The following SETD3 variants were observed in gnomAD, a reference collection of about 807,000 sequenced individuals.
SETD3 encodes the protein actin-histidine N-methyltransferase.
Under a neutral mutation model 63.0 loss-of-function variants are expected in SETD3, and 19 were observed. The observed-to-expected ratio is 0.30, with a 90% CI of 0.21 to 0.44. The LOEUF is 0.44. Among genes scored for constraint, SETD3 ranks in the 20% least tolerant of loss-of-function variants. The pLI, the probability that SETD3 is intolerant of heterozygous loss-of-function variation, is 1.00. For missense variants in SETD3, 587 were observed against 728.5 expected, an observed-to-expected ratio of 0.81 and a Z score of 2.24; for synonymous variants, 286 against 264.1, an observed-to-expected ratio of 1.08 and a Z score of -0.80.
chr14:99,432,594 T>C (rs1291542432), intron 6 of SETD3, among the ~76,000 whole-genome samples: 1 of 152,224 alleles, frequency 6.6e-6, no homozygotes, highest in Non-Finnish European at 1.5e-5. Flanking sequence ...AGGGCACAGA[T>C]GTGGAATGAC....
intron 6 of SETD3, among the ~76,000 whole-genome samples, chr14:99,418,551 G>A (rs939325765): frequency 1.3e-5 from 2 of 152,116 alleles, no homozygotes; most frequent in African/African-American, 4.8e-5. Context: ...GAGATCTCTG[G>A]TCTGACAAAT....
At chr14:99,429,263 G>GA (rs1029452121) in intron 6 of SETD3, among the ~76,000 whole-genome samples, 6 of 151,746 alleles carry the variant, frequency 4.0e-5, no homozygotes, top group African/African-American at 1.5e-4. Flanking sequence ...ATATTTGCAG[G>GA]AAAAAAAGAA....
intron 6 of SETD3, among the ~76,000 whole-genome samples, chr14:99,422,531 C>T (rs1233896604): frequency 2.0e-5 from 3 of 152,106 alleles, no homozygotes; most frequent in Non-Finnish European, 2.9e-5. Flanking sequence ...TCTAGGGGTG[C>T]ACCACAGAAT....
chr14:99,464,015 A>G (rs1181600869), intron 2 of SETD3, among the ~76,000 whole-genome samples: 4 of 152,364 alleles, frequency 2.6e-5, no homozygotes, highest in Middle Eastern at 3.4e-3. Context: ...GTTAAACCCC[A>G]TAACACTGAT....
At position 99,406,523 on chromosome 14, in the gene SETD3, C is replaced by A; in HGVS notation, c.917G>T (p.Gly306Val). Residue 306 changes from glycine (G) to valine (V), a missense_variant, in exon 9 of 13, where the codon GGA (glycine) becomes GTA (valine). By Grantham distance (109) the Gly-to-Val change is moderately radical. Coordinates refer to ENST00000331768, the MANE Select transcript of SETD3 (RefSeq NM_032233.3). ...ECVALQDFRA[G>V]EQIYIFYGTR... ...AGATGCCACGAGACCCACCTGCTCT[C>A]CAGCCCGAAAATCCTGCAGAGCCAC... 2 of 1,614,206 alleles carry A rather than the reference C, an allele frequency of 1.2e-6. No homozygotes were observed. Among genetic ancestry groups the A allele is most frequent in the Non-Finnish European group, 1.7e-6 (2 of 1,180,026 alleles).
chr14:99,399,240 G>T, intron 12 of SETD3, 115 bp from the exon 13 acceptor site: 1 of 762,204 alleles, frequency 1.3e-6, no homozygotes, highest in Admixed American at 2.6e-5. Flanking sequence ...GTGACGGGAG[G>T]TTCTAACACT....
chr14:99,424,892 C>T (rs1262960929), intron 6 of SETD3, among the ~76,000 whole-genome samples: 2 of 152,010 alleles, frequency 1.3e-5, no homozygotes, highest in South Asian at 2.1e-4. Flanking sequence ...GGAGACTCAC[C>T]GGCCAGGCTG....
intron 11 of SETD3, among the ~76,000 whole-genome samples, chr14:99,403,676 G>A (rs983454569): frequency 6.6e-6 from 1 of 152,172 alleles, no homozygotes; most frequent in African/African-American, 2.4e-5. Flanking sequence ...TGAAATAAGA[G>A]GCTGTAGCCA....
chr14:99,404,191 A>C (rs376306206), intron 11 of SETD3, 34 bp downstream of exon 11: 32 of 1,561,356 alleles, frequency 2.0e-5, no homozygotes, highest in Non-Finnish European at 2.5e-5. Flanking sequence ...AAAAAGAAAA[A>C]AGTCAACATC....
At chr14:99,464,100 T>C (rs1895232242) in intron 2 of SETD3, among the ~76,000 whole-genome samples, 1 of 152,216 alleles carries the variant, frequency 6.6e-6, no homozygotes, top group African/African-American at 2.4e-5. Flanking sequence ...TGTACGGCAC[T>C]ATATTCAGCA....
chr14:99,466,803 T>G (rs1233527637), intron 1 of SETD3, among the ~76,000 whole-genome samples: 1 of 151,912 alleles, frequency 6.6e-6, no homozygotes, highest in Non-Finnish European at 1.5e-5. Flanking sequence ...GGGGCTAAGA[T>G]CATGACCAAG....
At position 99,397,972 on chromosome 14, in the gene SETD3, T is replaced by C. The variant is rs968069018; in HGVS notation, c.*707A>G. 1.3e-5 allele frequency: 2 copies of C among 152,626 alleles called. No homozygotes were observed. Among genetic ancestry groups the C allele is most frequent in the South Asian group, 2.1e-4 (1 of 4,832 alleles). The allele number at this position is 152,626 out of a possible 1,614,324, so 9.5% of individuals were successfully genotyped here. A position where few individuals can be genotyped will look rare whatever the true frequency, so the allele number is the denominator to read the frequency against. On this transcript the variant is annotated 3_prime_UTR_variant, in exon 13 of 13. Coordinates refer to ENST00000331768, the MANE Select transcript of SETD3 (RefSeq NM_032233.3). ...CATTTAAAATTAGGAGGATGATGCATGTCCTACTTTGATTCAAGGAGAAAG... is the reference window on the plus strand; with the variant it reads ...CATTTAAAATTAGGAGGATGATGCACGTCCTACTTTGATTCAAGGAGAAAG...
chr14:99,419,881 GATC>G (rs1240408040), intron 6 of SETD3, among the ~76,000 whole-genome samples: 4 of 151,736 alleles, frequency 2.6e-5, no homozygotes, highest in East Asian at 3.9e-4. Flanking sequence ...CAATATTTTT[GATC>G]ATCAATTACT....
Position 99,480,793 on chromosome 14 carries a change from C to G in SETD3, c.-74G>C, listed in dbSNP as rs927995734. The G allele has an allele frequency of 4.5e-4, 72 of 159,312 alleles. 1 individual carries two copies. The East Asian group carries it at 0.011, about 25-fold the overall frequency. The allele number at this position is 159,312 out of a possible 1,614,324, so 9.9% of individuals were successfully genotyped here. A position where few individuals can be genotyped will look rare whatever the true frequency, so the allele number is the denominator to read the frequency against. On this transcript the variant is annotated 5_prime_UTR_variant, in exon 1 of 13. Coordinates refer to ENST00000331768, the MANE Select transcript of SETD3 (RefSeq NM_032233.3). Reference sequence around the variant, plus strand: ...GCCCGGACCCCGCCGTCCGCCTCAACCAACCCCCAGGCGGTGGCGGCGGTG... The same window carrying G: ...GCCCGGACCCCGCCGTCCGCCTCAAGCAACCCCCAGGCGGTGGCGGCGGTG...
intron 6 of SETD3, among the ~76,000 whole-genome samples, chr14:99,434,617 G>A (rs1893366369): frequency 6.6e-6 from 1 of 152,046 alleles, no homozygotes; most frequent in Admixed American, 6.6e-5. Flanking sequence ...GGATGCCAAG[G>A]TGGGCAGATC....
intron 1 of SETD3, among the ~76,000 whole-genome samples, chr14:99,477,358 CG>C (rs920305461): frequency 1.3e-5 from 2 of 152,106 alleles, no homozygotes; most frequent in Non-Finnish European, 2.9e-5. Context: ...CAAGTGGAAA[CG>C]GGGTCAACAC....
At chr14:99,405,083 G>A (rs937883415) in intron 10 of SETD3, 122 bp downstream of exon 10, 1 of 1,357,244 alleles carries the variant, frequency 7.4e-7, no homozygotes, top group African/African-American at 1.5e-5. Flanking sequence ...CTGTGCCACG[G>A]GGATAAACGG....
intron 6 of SETD3, among the ~76,000 whole-genome samples, chr14:99,454,547 A>G (rs1205985147): frequency 6.6e-6 from 1 of 152,218 alleles, no homozygotes; most frequent in Admixed American, 6.5e-5. Context: ...AAACAAAACA[A>G]AACAAAACCA....
intron 1 of SETD3, among the ~76,000 whole-genome samples, chr14:99,476,464 C>T (rs886378985): frequency 2.0e-5 from 3 of 152,190 alleles, no homozygotes; most frequent in African/African-American, 2.4e-5. Flanking sequence ...GGCAAAACTT[C>T]CAAAAGAGCT....
Sources: allele counts gnomAD v4.1 joint callset (sites outside exome capture counted in the v4.1 genomes callset), GRCh38; gene constraint gnomAD v4.1.1; transcripts MANE v1.5; gene names NCBI Gene and HGNC (gene_info 2026-07-23, HGNC 2026-07-21).